GABRB3: variants seen among roughly 807,000 people sequenced by gnomAD.
GABRB3 encodes the protein gamma-aminobutyric acid type A receptor subunit beta3, also known as gamma-aminobutyric acid receptor subunit beta-3.
A neutral mutation model predicts 52.1 loss-of-function variants in GABRB3; 14 were observed. The observed-to-expected ratio is 0.27, with a 90% CI of 0.18 to 0.42. The LOEUF is 0.42. GABRB3 is among the 10% of genes least tolerant of loss of function. GABRB3 has a pLI of 1.00. For missense variants in GABRB3, 307 were observed against 609.1 expected (o/e 0.50, Z 5.22); for synonymous variants, 260 against 232.3 (o/e 1.12, Z -1.08).
chr15:26,747,376 T>C (rs1018595849), intron 3 of GABRB3, among the ~76,000 whole-genome samples: 1 of 152,232 alleles, frequency 6.6e-6, no homozygotes, highest in African/African-American at 2.4e-5. Flanking sequence ...AGTTTCTCCA[T>C]TTAGTTAGGT....
At chr15:26,629,203 C>A in intron 3 of GABRB3, 1 of 1,444,692 alleles carries the variant, frequency 6.9e-7, no homozygotes, top group South Asian at 1.4e-5. Context: ...TGCGAAGCGG[C>A]GGCAATCAGG....
At chr15:26,758,787 A>C (rs940916169) in intron 3 of GABRB3, among the ~76,000 whole-genome samples, 6 of 152,232 alleles carry the variant, frequency 3.9e-5, no homozygotes, top group African/African-American at 4.8e-5. Flanking sequence ...AAAAGAAAAA[A>C]AAACAACCTT....
At chr15:26,598,602 T>C (rs543822762) in intron 4 of GABRB3, among the ~76,000 whole-genome samples, 13 of 152,310 alleles carry the variant, frequency 8.5e-5, no homozygotes, top group Non-Finnish European at 1.5e-4. Flanking sequence ...GTCAGCAGGA[T>C]GCCAGATGAA....
chr15:26,703,306 C>A (rs1252537613), intron 3 of GABRB3, among the ~76,000 whole-genome samples: 1 of 152,172 alleles, frequency 6.6e-6, no homozygotes, highest in African/African-American at 2.4e-5. Flanking sequence ...AGAAAGGCAA[C>A]AGAAAACCAA....
Position 26,772,779 on chromosome 15 carries a change from GA to G in GABRB3, c.81-8del. 1 of 1,542,304 alleles carries G rather than the reference GA, an allele frequency of 6.5e-7. No homozygotes were observed. Among genetic ancestry groups the G allele is most frequent in the Non-Finnish European group, 8.7e-7 (1 of 1,143,050 alleles). Reference sequence around the variant, plus strand: ...GTTCCCGGGATCGTTCACACTGGGGGAGGGACGGGGAGCACAAAGAGCGGGG... The same window carrying G: ...GTTCCCGGGATCGTTCACACTGGGGGGGGACGGGGAGCACAAAGAGCGGGG... On this transcript the variant is annotated splice_polypyrimidine_tract_variant and splice_region_variant and intron_variant, in intron 1 of 8. Transcript: ENST00000311550.
At chr15:26,559,758 G>A (rs1451601275) in intron 8 of GABRB3, among the ~76,000 whole-genome samples, 1 of 152,202 alleles carries the variant, frequency 6.6e-6, no homozygotes, top group Non-Finnish European at 1.5e-5. Flanking sequence ...TGGGCTGGAG[G>A]AGGGTGTGCA....
chr15:26,643,011 T>C (rs1893247736), intron 3 of GABRB3, among the ~76,000 whole-genome samples: 1 of 152,060 alleles, frequency 6.6e-6, no homozygotes, highest in Non-Finnish European at 1.5e-5. Flanking sequence ...CACAAGTCTT[T>C]CCCATCTGTC....
chr15:26,553,894 A>G (rs1277356728), intron 8 of GABRB3, among the ~76,000 whole-genome samples: 1 of 150,224 alleles, frequency 6.7e-6, no homozygotes, highest in East Asian at 2.0e-4. Flanking sequence ...TACTTTTTAG[A>G]GACAGGGTCT....
intron 3 of GABRB3, among the ~76,000 whole-genome samples, chr15:26,751,922 A>C (rs778651563): frequency 7.2e-5 from 11 of 152,208 alleles, no homozygotes; most frequent in Non-Finnish European, 1.6e-4. Flanking sequence ...GGTGCTTGGC[A>C]AGGAGGAAAC....
At chr15:26,629,310 C>G in intron 3 of GABRB3, 1 of 702,698 alleles carries the variant, frequency 1.4e-6, no homozygotes, top group South Asian at 2.0e-5. Flanking sequence ...GCGGAAAAGG[C>G]GTGGCCCAGC....
chr15:26,553,414 T>C (rs564105740), intron 8 of GABRB3: 2 of 152,348 alleles, frequency 1.3e-5, no homozygotes, highest in South Asian at 4.1e-4. Context: ...CCTCCCAAAG[T>C]GCTAGGATCA....
At chr15:26,734,466 T>G (rs1179317778) in intron 3 of GABRB3, among the ~76,000 whole-genome samples, 1 of 151,892 alleles carries the variant, frequency 6.6e-6, no homozygotes, top group Non-Finnish European at 1.5e-5. Context: ...TAATCAAAAT[T>G]TTAAAACATT....
intron 3 of GABRB3, among the ~76,000 whole-genome samples, chr15:26,739,030 A>T (rs1890135120): frequency 6.6e-6 from 1 of 152,134 alleles, no homozygotes; most frequent in South Asian, 2.1e-4. Context: ...CTGATAGATA[A>T]ATTGCAAAGA....
At chr15:26,742,150 C>G (rs1043121432) in intron 3 of GABRB3, among the ~76,000 whole-genome samples, 15 of 152,140 alleles carry the variant, frequency 9.9e-5, no homozygotes, top group Admixed American at 6.5e-4. Flanking sequence ...ATCCTTATGT[C>G]TCTCTAAGCA....
chr15:26,618,521 T>C lies in GABRB3; in HGVS notation c.461+2793A>G, dbSNP rs1203471607. Among the ~76,000 whole-genome samples the C allele has an allele frequency of 2.0e-4, 30 of 152,160 alleles. 1 individual carries two copies. Among genetic ancestry groups the C allele is most frequent in the Admixed American group, 2.0e-3 (30 of 15,284 alleles). ...ACCTTATACAAAAATCAATTCAAGA[T>C]GGATTAAAGACTTAAACGTTAGACC... On this transcript the variant is annotated intron_variant, in intron 4 of 8. Coordinates refer to ENST00000311550, the MANE Select transcript of GABRB3 (RefSeq NM_000814.6).
At chr15:26,568,684 G>GTTTTTTTTTT (rs1890278876) in intron 6 of GABRB3, among the ~76,000 whole-genome samples, 13 of 133,694 alleles carry the variant, frequency 9.7e-5, no homozygotes, top group Admixed American at 3.1e-4. Context: ...TTTTTTTTTG[G>GTTTTTTTTTT]TTTTGTATGT....
At chr15:26,679,378 C>T (rs780021584) in intron 3 of GABRB3, among the ~76,000 whole-genome samples, 4 of 151,986 alleles carry the variant, frequency 2.6e-5, no homozygotes, top group African/African-American at 4.8e-5. Flanking sequence ...CGGTGAGAAT[C>T]GCACTCACCT....
At position 26,548,161 on chromosome 15, in the gene GABRB3, TAGAC is replaced by T. The variant is rs145002502; in HGVS notation, c.1081-31_1081-28del. On this transcript the variant is annotated intron_variant, in intron 8 of 8. Transcript: ENST00000311550. ...TAATTGGACGGAAAATGCACATGGT[TAGAC>T]AGCCAGCAGCATAATTTCCCTATGC... 7.0e-4 allele frequency: 1,093 copies of T among 1,563,122 alleles called. 7 individuals carry two copies. The African/African-American group carries it at 0.013, about 18-fold the overall frequency.
At chr15:26,641,232 T>A (rs1201229473) in intron 3 of GABRB3, among the ~76,000 whole-genome samples, 2 of 152,220 alleles carry the variant, frequency 1.3e-5, no homozygotes, top group Admixed American at 1.3e-4. Context: ...AATTATCAGA[T>A]CGCCTTCTGA....
Sources: gnomAD v4.1 joint callset for allele counts (sites outside exome capture counted in the v4.1 genomes callset) on GRCh38, gnomAD v4.1.1 for gene constraint, MANE v1.5 for transcripts, NCBI Gene and HGNC (gene_info 2026-07-23, HGNC 2026-07-21) for gene names.